Variants in DMC1 observed in about 807,000 individuals in gnomAD.
DMC1 encodes the protein meiotic recombination protein DMC1 homolog.
A neutral mutation model predicts 50.1 loss-of-function variants in DMC1; 27 were observed. The ratio of observed to expected loss-of-function variants is 0.54; its 90% CI spans 0.40 to 0.74. DMC1 has a LOEUF of 0.74. Among genes scored for constraint, DMC1 ranks in the 30% least tolerant of loss-of-function variants. The pLI, the probability that DMC1 is intolerant of heterozygous loss-of-function variation, is 0.00. For synonymous variants in DMC1, 148 were observed against 136.1 expected (o/e 1.09, Z -0.61); for missense variants, 295 against 420.2 (o/e 0.70, Z 2.60).
At chr22:38,541,318 G>T (rs571433283) in intron 8 of DMC1, among the ~76,000 whole-genome samples, 2 of 152,142 alleles carry the variant, frequency 1.3e-5, no homozygotes, top group Admixed American at 6.5e-5. Context: ...TTGAGATGGA[G>T]TCTCACTCTG....
Position 38,553,453 on chromosome 22 carries a change from G to T in DMC1, c.380-746C>A, listed in dbSNP as rs535321810. Among the ~76,000 whole-genome samples the T allele has an allele frequency of 2.7e-5, 4 of 145,668 alleles. No individual in the cohort carries two copies. In the East Asian group the frequency reaches 8.4e-4, roughly 31 times the overall value. On this transcript the variant is annotated intron_variant, in intron 6 of 13. Coordinates refer to ENST00000216024, the MANE Select transcript of DMC1 (RefSeq NM_007068.4). ...GCGGAGCTTGCAGTGAGCCGAGATC[G>T]CGCCACTGCACTCCAGCCTGGGTGA...
At chr22:38,516,325 C>G (rs1379055686), downstream of DMC1, among the ~76,000 whole-genome samples, 1 of 152,198 alleles carries the variant, frequency 6.6e-6, no homozygotes, top group Non-Finnish European at 1.5e-5. Flanking sequence ...GAACTTTAGG[C>G]CTTTGTTTTG....
At chr22:38,524,696 T>C (rs1401574041) in intron 12 of DMC1, among the ~76,000 whole-genome samples, 2 of 152,168 alleles carry the variant, frequency 1.3e-5, no homozygotes, top group Non-Finnish European at 2.9e-5. Flanking sequence ...AGCCTTCAAG[T>C]GTCCTCCCTT....
chr22:38,564,280 G>A (rs1185809190), intron 4 of DMC1, among the ~76,000 whole-genome samples: 3 of 152,144 alleles, frequency 2.0e-5, no homozygotes, highest in African/African-American at 7.2e-5. Context: ...AGCCCAGACT[G>A]GGCAACATAG....
Position 38,539,365 on chromosome 22 carries a change from T to C in DMC1, c.542A>G (p.His181Arg), listed in dbSNP as rs763892505. Residue 181 changes from histidine to arginine, a missense_variant, in exon 9 of 14, where the codon CAT becomes CGT. His to Arg is a conservative substitution (Grantham distance 29, BLOSUM62 0). Coordinates refer to ENST00000216024, the MANE Select transcript of DMC1 (RefSeq NM_007068.4). ...RDIADRFNVDHDAVLDNVLYA... is the reference protein window; with the variant it reads ...RDIADRFNVDRDAVLDNVLYA... ...AAGTACGTTGTCCAGTACTGCATCATGGTCTACATTAAAGCGATCAGCAAT... is the reference window on the plus strand; with the variant it reads ...AAGTACGTTGTCCAGTACTGCATCACGGTCTACATTAAAGCGATCAGCAAT... 1.2e-5 allele frequency: 19 copies of C among 1,614,090 alleles called. No individual in the cohort carries two copies. The highest frequency in any genetic ancestry group is 1.5e-5 in the Non-Finnish European group (18 of 1,179,980).
chr22:38,546,216 C>T (rs1274512021), intron 8 of DMC1: 1 of 152,246 alleles, frequency 6.6e-6, no homozygotes, highest in Admixed American at 6.6e-5. Context: ...CATGGAGAAA[C>T]CCTGTCTCTA....
intron 7 of DMC1, among the ~76,000 whole-genome samples, chr22:38,552,179 A>G (rs746820224): frequency 1.3e-5 from 2 of 151,970 alleles, no homozygotes; most frequent in East Asian, 3.9e-4. Context: ...TTTCTTAACC[A>G]CTTTGCCAAG....
At chr22:38,521,127 A>G (rs947085237) in intron 13 of DMC1, among the ~76,000 whole-genome samples, 1 of 152,198 alleles carries the variant, frequency 6.6e-6, no homozygotes, top group Admixed American at 6.5e-5. Flanking sequence ...AGGGTTAGGG[A>G]AAGGTTCCCT....
intron 6 of DMC1, 150 bp from the exon 7 acceptor site, chr22:38,552,857 A>ATT: frequency 7.1e-6 from 4 of 565,794 alleles, no homozygotes; most frequent in Non-Finnish European, 9.1e-6. Context: ...GTTATTTTTT[A>ATT]TTTTTTTTTT....
Position 38,521,588 on chromosome 22 carries a change from C to CACACACAA in DMC1, c.953+19_953+20insTTGTGTGT. ...ACACACACACACACACACACACACA[C>CACACACAA]AAAATAAAAAAAAATTTACCTGTCA... On this transcript the variant is annotated intron_variant, in intron 13 of 13. Transcript: ENST00000216024. 3.3e-6 allele frequency: 4 copies of CACACACAA among 1,220,058 alleles called. No individual in the cohort carries two copies. The highest frequency in any genetic ancestry group is 4.7e-6 in the Non-Finnish European group (4 of 849,612). The allele number at this position is 1,220,058 out of a possible 1,614,324, so 75.6% of individuals were successfully genotyped here. A position where few individuals can be genotyped will look rare whatever the true frequency, so the allele number is the denominator to read the frequency against.
At chr22:38,551,243 G>A (rs1045115945) in intron 7 of DMC1, among the ~76,000 whole-genome samples, 17 of 150,668 alleles carry the variant, frequency 1.1e-4, no homozygotes, top group Non-Finnish European at 2.2e-4. Context: ...GCGAGACTCC[G>A]TCTCAAAAAA....
chr22:38,548,370 T>C (rs902459705), intron 8 of DMC1, among the ~76,000 whole-genome samples: 2 of 152,148 alleles, frequency 1.3e-5, no homozygotes, highest in Non-Finnish European at 2.9e-5. Context: ...GCCCAGGAGT[T>C]GGAGATCAGC....
chr22:38,564,981 G>A (rs1244944840), intron 4 of DMC1, among the ~76,000 whole-genome samples: 2 of 152,172 alleles, frequency 1.3e-5, no homozygotes, highest in African/African-American at 2.4e-5. Flanking sequence ...CTCTGAAGAA[G>A]GAAACCAAAT....
chr22:38,551,247 CA>C (rs976708263), intron 7 of DMC1, among the ~76,000 whole-genome samples: 49 of 137,344 alleles, frequency 3.6e-4, no homozygotes, highest in African/African-American at 2.7e-4. Context: ...GACTCCGTCT[CA>C]AAAAAAAAAA....
intron 12 of DMC1, among the ~76,000 whole-genome samples, chr22:38,537,141 T>C (rs1427873445): frequency 6.6e-6 from 1 of 152,172 alleles, no homozygotes; most frequent in Non-Finnish European, 1.5e-5. Context: ...CATGAGCCAC[T>C]GCGCCCAGTA....
At chr22:38,524,619 G>T (rs750721688) in intron 12 of DMC1, among the ~76,000 whole-genome samples, 56 of 151,892 alleles carry the variant, frequency 3.7e-4, no homozygotes, top group Non-Finnish European at 7.4e-4. Flanking sequence ...TGATGACTTT[G>T]CACACATTAC....
At chr22:38,542,339 A>G (rs2090290926) in intron 8 of DMC1, among the ~76,000 whole-genome samples, 1 of 152,108 alleles carries the variant, frequency 6.6e-6, no homozygotes, top group Non-Finnish European at 1.5e-5. Context: ...AGAACTGATA[A>G]ACAAATTCAG....
chr22:38,521,540 C>T (rs985762032), intron 13 of DMC1, 68 bp downstream of exon 13: 529 of 60,134 alleles, frequency 8.8e-3, no homozygotes, highest in Non-Finnish European at 0.016. Flanking sequence ...CCCGTCTCTA[C>T]ACACACACAC....
chr22:38,529,226 G>A (rs1263247514), intron 12 of DMC1, among the ~76,000 whole-genome samples: 1 of 151,978 alleles, frequency 6.6e-6, no homozygotes, highest in Non-Finnish European at 1.5e-5. Context: ...GGCCAGGCTT[G>A]TCTTGAACTC....
Sources: gnomAD v4.1 joint callset for allele counts (sites outside exome capture counted in the v4.1 genomes callset) on GRCh38, gnomAD v4.1.1 for gene constraint, MANE v1.5 for transcripts, NCBI Gene and HGNC (gene_info 2026-07-23, HGNC 2026-07-21) for gene names.